The following TM2D1 variants were observed in gnomAD, a reference collection of about 807,000 sequenced individuals.
The protein encoded by TM2D1 is TM2 domain-containing protein 1.
A neutral mutation model predicts 28.4 loss-of-function variants in TM2D1; 15 were observed. The ratio of observed to expected loss-of-function variants is 0.53; its 90% CI spans 0.35 to 0.81. The LOEUF (loss-of-function observed/expected upper bound fraction) is 0.81. Ranked by LOEUF, TM2D1 falls within the 40% of genes least tolerant of loss-of-function variation. TM2D1 has a pLI of 0.01. For missense variants in TM2D1, 236 were observed against 254.9 expected (o/e 0.93, Z 0.50); for synonymous variants, 93 against 96.2 (o/e 0.97, Z 0.20).
At chr1:61,714,547 A>T (rs569208002) in intron 2 of TM2D1, among the ~76,000 whole-genome samples, 1 of 152,056 alleles carries the variant, frequency 6.6e-6, no homozygotes, top group South Asian at 2.1e-4. Flanking sequence ...TCCAAAAAAA[A>T]CTAAAGAGCC....
intron 5 of TM2D1, among the ~76,000 whole-genome samples, chr1:61,684,513 G>T (rs1644269616): frequency 6.6e-6 from 1 of 152,234 alleles, no homozygotes; most frequent in South Asian, 2.1e-4. Context: ...CAAACAAAGG[G>T]ATAGCTCAAA....
chr1:61,716,396 C>T (rs1281331169), intron 2 of TM2D1, among the ~76,000 whole-genome samples: 1 of 144,170 alleles, frequency 6.9e-6, no homozygotes, highest in East Asian at 2.0e-4. Context: ...TATATAATTA[C>T]ATATATAATT....
At chr1:61,687,979 T>A (rs1417489569) in intron 5 of TM2D1, among the ~76,000 whole-genome samples, 2 of 152,360 alleles carry the variant, frequency 1.3e-5, no homozygotes, top group East Asian at 3.9e-4. Context: ...TGTGACTAAT[T>A]TTAAGATGAT....
intron 2 of TM2D1, among the ~76,000 whole-genome samples, chr1:61,723,149 C>T (rs890677860): frequency 6.6e-6 from 1 of 152,130 alleles, no homozygotes; most frequent in Non-Finnish European, 1.5e-5. Context: ...ATGTTAAATA[C>T]ACACACATAA....
At chr1:61,700,246 C>G in intron 4 of TM2D1, 1 of 1,514,772 alleles carries the variant, frequency 6.6e-7, no homozygotes, top group Non-Finnish European at 8.8e-7. Context: ...CAGTAAATCC[C>G]TTAACCTCTC....
chr1:61,708,584 A>G (rs1278562968), intron 3 of TM2D1, among the ~76,000 whole-genome samples: 6 of 152,184 alleles, frequency 3.9e-5, no homozygotes, highest in Non-Finnish European at 7.3e-5. Context: ...GTTTAACATT[A>G]CCATTCATCA....
At chr1:61,699,912 A>G in intron 4 of TM2D1, 1 of 318,810 alleles carries the variant, frequency 3.1e-6, no homozygotes, top group Non-Finnish European at 5.5e-6. Context: ...TATAGCTGTC[A>G]GAAATATATC....
chr1:61,694,145 T>C lies in TM2D1; in HGVS notation c.513+552A>G, dbSNP rs1413291011. On this transcript the variant is annotated intron_variant, in intron 5 of 6. Coordinates refer to ENST00000606498, the MANE Select transcript of TM2D1 (RefSeq NM_032027.3). Reference sequence around the variant, plus strand: ...ATTTTCTAAAGAACGCCCTTTTTTTTTTCTTTTTAGCTTAAGCTAGCTGGA... The same window carrying C: ...ATTTTCTAAAGAACGCCCTTTTTTTCTTCTTTTTAGCTTAAGCTAGCTGGA... 5 of 152,370 alleles carry C rather than the reference T, an allele frequency of 3.3e-5. No homozygotes were observed. In the East Asian group the frequency reaches 9.6e-4, roughly 29 times the overall value. 9.4% of individuals were successfully genotyped at this position (152,370 alleles called of 1,614,324 possible). A position where few individuals can be genotyped will look rare whatever the true frequency, so the allele number is the denominator to read the frequency against.
At chr1:61,707,666 A>G (rs1644450528) in intron 3 of TM2D1, among the ~76,000 whole-genome samples, 1 of 152,210 alleles carries the variant, frequency 6.6e-6, no homozygotes. Context: ...TTGGAACCCA[A>G]GAAGATCAGT....
rs1248602490 is a variant in TM2D1 at position 61,711,507 on chromosome 1, C to G, written c.239-2070G>C. On this transcript the variant is annotated intron_variant, in intron 2 of 6. Coordinates refer to ENST00000606498, the MANE Select transcript of TM2D1 (RefSeq NM_032027.3). The stretch of plus-strand genomic sequence containing the variant: ...CTCTACAAAAAATAAAATAATTGGT[C>G]AGGCATGGTGGTGCTCACCTGTTGT... 4.6e-5 allele frequency among the ~76,000 whole-genome samples: 7 copies of G among 151,494 alleles called. No individual in the cohort carries two copies. The East Asian group carries it at 5.8e-4, about 13-fold the overall frequency.
At chr1:61,684,578 G>T (rs1034915048) in intron 5 of TM2D1, among the ~76,000 whole-genome samples, 1 of 152,046 alleles carries the variant, frequency 6.6e-6, no homozygotes, top group African/African-American at 2.4e-5. Flanking sequence ...ACATTCTACC[G>T]TATCTGTTCC....
Position 61,685,924 on chromosome 1 carries a change from G to C in TM2D1, c.514-2378C>G, listed in dbSNP as rs528343169. Among the ~76,000 whole-genome samples, 12 of 152,266 alleles carry C rather than the reference G, an allele frequency of 7.9e-5. No homozygotes were observed. In the South Asian group the frequency reaches 2.5e-3, roughly 32 times the overall value. ...GCTACTCGAGAGGCTGAGGTAGGAG[G>C]ATTGCTTGAGCCCAGGAGTTCAAGG... On this transcript the variant is annotated intron_variant, in intron 5 of 6. Transcript: ENST00000606498.
chr1:61,723,453 G>A (rs1644582326), intron 2 of TM2D1, among the ~76,000 whole-genome samples: 1 of 152,188 alleles, frequency 6.6e-6, no homozygotes, highest in Admixed American at 6.6e-5. Flanking sequence ...TTGCCTAACT[G>A]AATCTGGGAA....
chr1:61,711,387 C>T (rs1056775137), intron 2 of TM2D1, among the ~76,000 whole-genome samples: 7 of 149,270 alleles, frequency 4.7e-5, no homozygotes, highest in Admixed American at 2.7e-4. Flanking sequence ...GAGTGACTCA[C>T]GCCTGTAATC....
At chr1:61,681,889 A>G (rs1447410745) in intron 6 of TM2D1, among the ~76,000 whole-genome samples, 6 of 152,224 alleles carry the variant, frequency 3.9e-5, no homozygotes, top group African/African-American at 1.4e-4. Flanking sequence ...TTAGTTGCGT[A>G]TCTTACTCTC....
intron 2 of TM2D1, among the ~76,000 whole-genome samples, chr1:61,710,010 A>G (rs1644465974): frequency 1.3e-5 from 2 of 152,180 alleles, no homozygotes; most frequent in African/African-American, 4.8e-5. Flanking sequence ...TAAGAAGAAG[A>G]AGTAACACTT....
chr1:61,720,746 T>C (rs1157148821), intron 2 of TM2D1, among the ~76,000 whole-genome samples: 1 of 152,136 alleles, frequency 6.6e-6, no homozygotes. Flanking sequence ...ATAAATACTT[T>C]CTCAATAAAC....
chr1:61,694,099 A>C (rs1400378466), intron 5 of TM2D1: 1 of 152,196 alleles, frequency 6.6e-6, no homozygotes. Context: ...TTGTTTATAC[A>C]TATCTGTTCT....
chr1:61,708,540 G>A (rs1644455898), intron 3 of TM2D1, among the ~76,000 whole-genome samples: 1 of 152,144 alleles, frequency 6.6e-6, no homozygotes, highest in Non-Finnish European at 1.5e-5. Flanking sequence ...ATACTACTGT[G>A]TCTGGCTAGC....
Sources: allele counts gnomAD v4.1 joint callset (sites outside exome capture counted in the v4.1 genomes callset), GRCh38; gene constraint gnomAD v4.1.1; transcripts MANE v1.5; gene names NCBI Gene and HGNC (gene_info 2026-07-23, HGNC 2026-07-21).